SOX6: variants seen among roughly 807,000 people sequenced by gnomAD.
SOX6 encodes the protein transcription factor SOX-6.
In SOX6, 11 loss-of-function variants were observed where a neutral mutation model predicts 97.8. The observed-to-expected ratio is 0.11, with a 90% CI of 0.07 to 0.19. The LOEUF is 0.19. Among genes scored for constraint, SOX6 ranks in the 10% least tolerant of loss-of-function variants. SOX6 has a pLI of 1.00. For missense variants in SOX6, 810 were observed against 1,039.5 expected (o/e 0.78, Z 3.04); for synonymous variants, 360 against 371.4 (o/e 0.97, Z 0.35).
chr11:16,184,269 TCTGGC>T (rs1851415146), intron 5 of SOX6, among the ~76,000 whole-genome samples: 1 of 152,164 alleles, frequency 6.6e-6, no homozygotes, highest in Non-Finnish European at 1.5e-5. Context: ...TAGAAAAATC[TCTGGC>T]TACATTTTTC....
chr11:16,558,285 G>A (rs974375445), intron 4 of SOX6, among the ~76,000 whole-genome samples: 1 of 151,868 alleles, frequency 6.6e-6, no homozygotes, highest in African/African-American at 2.4e-5. Flanking sequence ...ACTGTCCTGG[G>A]ATTTACCTGG....
rs767746716 is a variant in SOX6 at position 16,088,642 on chromosome 11, TAA to T, written c.1101+7352_1101+7353del. On this transcript the variant is annotated intron_variant, in intron 9 of 15. Transcript: ENST00000683767. The stretch of plus-strand genomic sequence containing the variant: ...TTTTGACACAACTCTAATGATACAA[TAA>T]GTGTTAAGTTATTCCAACAGTTACA... Among the ~76,000 whole-genome samples, 9 of 152,308 alleles carry T rather than the reference TAA, an allele frequency of 5.9e-5. No homozygotes were observed. The South Asian group carries it at 1.4e-3, about 25-fold the overall frequency.
chr11:16,496,546 G>C (rs975579692), intron 4 of SOX6, among the ~76,000 whole-genome samples: 8 of 152,220 alleles, frequency 5.3e-5, no homozygotes, highest in Admixed American at 5.2e-4. Flanking sequence ...AAGTGCAAGG[G>C]GTCAGGGAAT....
rs1564941864 is a variant in SOX6, at chr11:16,077,791, C to T, written c.1101+18205G>A. ...TGGCCATAAAGAAGGGAACAACAGA[C>T]ACTGGGGCCTACTTGAAGGCAGAGA... is the stretch of plus-strand genomic sequence containing the variant. On this transcript the variant is annotated intron_variant, in intron 9 of 15. Coordinates refer to ENST00000683767, the MANE Select transcript of SOX6 (RefSeq NM_001367873.1). Among the ~76,000 whole-genome samples, 5 of 152,246 alleles carry T rather than the reference C, an allele frequency of 3.3e-5. No homozygotes were observed. In the South Asian group the frequency reaches 1.0e-3, roughly 32 times the overall value.
intron 4 of SOX6, among the ~76,000 whole-genome samples, chr11:16,532,048 G>A (rs1349907934): frequency 6.6e-6 from 1 of 151,690 alleles, no homozygotes; most frequent in East Asian, 1.9e-4. Flanking sequence ...ATCTCCAATT[G>A]GGCAAGTGAA....
In SOX6 at chr11:16,721,618, CCTCTCT is replaced by C. The variant is rs59547335; in HGVS notation, n.354-6719_354-6714del. On this transcript the variant is annotated intron_variant and non_coding_transcript_variant, in intron 2 of 5. Transcript: ENST00000524520. Reference sequence around the variant, plus strand: ...TCTCTCTTCCCTCCCTCCCTCCCTCCCTCTCTCTCTCTCTCTCTCTCTCTCTCTCTC... The same window carrying C: ...TCTCTCTTCCCTCCCTCCCTCCCTCCCTCTCTCTCTCTCTCTCTCTCTCTC... Among the ~76,000 whole-genome samples, 108 of 22,350 alleles carry C rather than the reference CCTCTCT, an allele frequency of 4.8e-3. 3 individuals carry two copies. Among genetic ancestry groups the C allele is most frequent in the African/African-American group, 0.02 (99 of 5,008 alleles). The allele number at this position is 22,350 out of a possible 152,430, so 14.7% of individuals were successfully genotyped here.
At chr11:16,388,844 T>C (rs1436433712) in intron 1 of SOX6, among the ~76,000 whole-genome samples, 2 of 152,186 alleles carry the variant, frequency 1.3e-5, no homozygotes, top group African/African-American at 4.8e-5. Flanking sequence ...CTAGATGTAC[T>C]TTTCTTTGCA....
chr11:15,988,474 G>C (rs1853935804), intron 14 of SOX6, among the ~76,000 whole-genome samples: 1 of 152,164 alleles, frequency 6.6e-6, no homozygotes, highest in Admixed American at 6.6e-5. Flanking sequence ...GTTTTAAAGT[G>C]ATCATCAGAG....
chr11:16,477,556 T>G (rs933701443), upstream of SOX6, among the ~76,000 whole-genome samples: 1 of 152,180 alleles, frequency 6.6e-6, no homozygotes, highest in African/African-American at 2.4e-5. Context: ...TAGTCAAGAT[T>G]TATAGATAAT....
chr11:16,004,084 T>A (rs1404416908), intron 13 of SOX6, among the ~76,000 whole-genome samples: 1 of 151,828 alleles, frequency 6.6e-6, no homozygotes, highest in African/African-American at 2.4e-5. Context: ...TGTATTCAAG[T>A]AAGCATACAA....
chr11:16,522,858 C>G (rs1300257011), intron 4 of SOX6, among the ~76,000 whole-genome samples: 1 of 152,094 alleles, frequency 6.6e-6, no homozygotes, highest in African/African-American at 2.4e-5. Flanking sequence ...AGACTTTAAA[C>G]CAACAAAGAT....
At chr11:16,564,443 G>T (rs995700075) in intron 4 of SOX6, among the ~76,000 whole-genome samples, 4 of 152,084 alleles carry the variant, frequency 2.6e-5, no homozygotes, top group Admixed American at 2.6e-4. Context: ...TGATACAGAA[G>T]AATTAAACAA....
At chr11:16,152,213 A>C (rs140318919) in intron 6 of SOX6, among the ~76,000 whole-genome samples, 3 of 152,292 alleles carry the variant, frequency 2.0e-5, no homozygotes, top group Admixed American at 2.0e-4. Context: ...AACCTTAAAT[A>C]GTCACTTTTA....
At chr11:16,675,761 C>T (rs1847879774) in intron 3 of SOX6, among the ~76,000 whole-genome samples, 1 of 152,206 alleles carries the variant, frequency 6.6e-6, no homozygotes, top group African/African-American at 2.4e-5. Context: ...TTGAAGATGT[C>T]ATCCCATTGC....
intron 3 of SOX6, among the ~76,000 whole-genome samples, chr11:16,266,774 A>G (rs943021649): frequency 1.3e-5 from 2 of 151,638 alleles, no homozygotes; most frequent in African/African-American, 4.8e-5. Context: ...AAATAATGCA[A>G]CAGAAAGTCA....
At chr11:16,182,364 G>A (rs1003268865) in intron 6 of SOX6, among the ~76,000 whole-genome samples, 7 of 151,752 alleles carry the variant, frequency 4.6e-5, no homozygotes, top group Non-Finnish European at 1.0e-4. Flanking sequence ...AGAACTAAAC[G>A]ATCATGTTAT....
intron 4 of SOX6, among the ~76,000 whole-genome samples, chr11:16,593,225 T>G (rs560138518): frequency 2.4e-4 from 37 of 152,244 alleles, no homozygotes; most frequent in Middle Eastern, 3.4e-3. Flanking sequence ...TAAATAGAGC[T>G]GATAAGAACA....
intron 7 of SOX6, among the ~76,000 whole-genome samples, chr11:16,105,269 GA>G (rs1036492399): frequency 4.7e-5 from 7 of 149,260 alleles, no homozygotes; most frequent in East Asian, 3.9e-4. Context: ...AGAACAAAGG[GA>G]AAAAAAAACC....
intron 2 of SOX6, among the ~76,000 whole-genome samples, chr11:16,730,774 G>A (rs1426485058): frequency 2.0e-5 from 3 of 151,770 alleles, no homozygotes; most frequent in African/African-American, 7.3e-5. Flanking sequence ...ACAGAGACAT[G>A]AAAAACCCTT....
Sources: gnomAD v4.1 joint callset for allele counts (sites outside exome capture counted in the v4.1 genomes callset) on GRCh38, gnomAD v4.1.1 for gene constraint, MANE v1.5 for transcripts, NCBI Gene and HGNC (gene_info 2026-07-23, HGNC 2026-07-21) for gene names.